Variants in RHOU observed in about 807,000 individuals in gnomAD.
RHOU encodes the protein rho-related GTP-binding protein RhoU.
A neutral mutation model predicts 12.6 loss-of-function variants in RHOU; 8 were observed. The observed-to-expected ratio is 0.64, with a 90% CI of 0.37 to 1.15. The LOEUF (loss-of-function observed/expected upper bound fraction) is 1.15. Among genes scored for constraint, RHOU ranks in the 50% most tolerant of loss-of-function variants. RHOU has a pLI of 0.01. For missense variants in RHOU, 258 were observed against 347.0 expected (o/e 0.74, Z 2.04); for synonymous variants, 161 against 147.4 (o/e 1.09, Z -0.67).
rs771061344 is a variant in RHOU, at chr1:228,743,608, T to C, written c.645T>C (p.Phe215=). ...ALTQKNLKEV[F]DAAIVAGIQY... ...CTCAAAAAAACCTCAAAGAGGTCTT[T>C]GATGCAGCCATCGTCGCTGGCATTC... is the stretch of plus-strand genomic sequence containing the variant. Residue 215 remains phenylalanine (F), a synonymous_variant, in exon 3 of 3, where the codon TTT becomes TTC. Transcript: ENST00000366691. The surrounding 1 kb of genome is among the most constrained non-coding windows in gnomAD (Gnocchi z 5.1). The C allele has an allele frequency of 6.2e-7, 1 of 1,614,180 alleles. No homozygotes were observed. Among genetic ancestry groups the C allele is most frequent in the Non-Finnish European group, 8.5e-7 (1 of 1,180,020 alleles).
chr1:228,710,523 T>C, the RHOU span, among the ~76,000 whole-genome samples: 29 of 152,316 alleles, frequency 1.9e-4, no homozygotes, highest in African/African-American at 7.0e-4. Context: ...AATCAATAAA[T>C]GTAATCCAGC....
rs941480159 is a variant in RHOU, at chr1:228,743,814, C to T, written c.*74C>T. On this transcript the variant is annotated 3_prime_UTR_variant, in exon 3 of 3. Coordinates refer to ENST00000366691, the MANE Select transcript of RHOU (RefSeq NM_021205.6). The surrounding 1 kb of genome is among the most constrained non-coding windows in gnomAD (Gnocchi z 5.1). ...GAAGCTATATTAGCTGAAACAACTC[C>T]TTTTACTGCGTAGAACCTATATCGA... is the stretch of plus-strand genomic sequence containing the variant. 1 of 1,281,770 alleles carries T rather than the reference C, an allele frequency of 7.8e-7. No homozygotes were observed. The highest frequency in any genetic ancestry group is 1.1e-6 in the Non-Finnish European group (1 of 915,254). 79.4% of individuals were successfully genotyped at this position (1,281,770 alleles called of 1,614,324 possible).
At chr1:228,683,827 T>C in the RHOU span, among the ~76,000 whole-genome samples, 944 of 152,342 alleles carry the variant, frequency 6.2e-3, 9 homozygotes, top group African/African-American at 0.017. Context: ...TTCCCCACGT[T>C]GACATTTTGA....
the RHOU span, among the ~76,000 whole-genome samples, chr1:228,688,694 G>A: frequency 1.3e-5 from 2 of 152,214 alleles, no homozygotes; most frequent in Admixed American, 6.5e-5. Flanking sequence ...GATACCAAAA[G>A]TTATGTACAA....
In RHOU at chr1:228,738,280, A is replaced by C. The variant is rs1453033617; in HGVS notation, c.321+549A>C. On this transcript the variant is annotated intron_variant, in intron 2 of 2. Coordinates refer to ENST00000366691, the MANE Select transcript of RHOU (RefSeq NM_021205.6). This position sits in a 1 kb window ranked among gnomAD's most constrained non-coding sequence, Gnocchi z 4.2. ...CAGTCCTAAGCTGGAGGGATGAACT[A>C]ACTGGGCTTATTCTATCCAAACTGT... is the stretch of plus-strand genomic sequence containing the variant. 6.6e-6 allele frequency among the ~76,000 whole-genome samples: 1 copy of C among 152,216 alleles called. No individual in the cohort carries two copies. Among genetic ancestry groups the C allele is most frequent in the Non-Finnish European group, 1.5e-5 (1 of 68,036 alleles).
chr1:228,734,869 G>A (rs2102713821), upstream of RHOU, among the ~76,000 whole-genome samples: 1 of 152,312 alleles, frequency 6.6e-6, no homozygotes, highest in African/African-American at 2.4e-5. Context: ...GAGCATACAT[G>A]TATAAAGGTT....
At chr1:228,693,296 C>T in the RHOU span, among the ~76,000 whole-genome samples, 2 of 152,310 alleles carry the variant, frequency 1.3e-5, no homozygotes, top group South Asian at 4.1e-4. Context: ...CTGCTGCCTA[C>T]GTGCCCTCAC....
the RHOU span, among the ~76,000 whole-genome samples, chr1:228,721,970 T>A: frequency 1.3e-5 from 2 of 152,324 alleles, no homozygotes; most frequent in African/African-American, 2.4e-5. Flanking sequence ...TCCACCGTAG[T>A]TGCGACTTCT....
At chr1:228,722,453 G>A in the RHOU span, among the ~76,000 whole-genome samples, 1 of 152,044 alleles carries the variant, frequency 6.6e-6, no homozygotes, top group African/African-American at 2.4e-5. Context: ...AGAGTTGTAC[G>A]TTCAATTGCC....
At chr1:228,666,063 T>TC in the RHOU span, among the ~76,000 whole-genome samples, 7 of 151,702 alleles carry the variant, frequency 4.6e-5, no homozygotes, top group Non-Finnish European at 1.0e-4. Flanking sequence ...GTTCAAGTGA[T>TC]CCCCCCACCT....
At chr1:228,707,888 G>A in the RHOU span, among the ~76,000 whole-genome samples, 2 of 152,030 alleles carry the variant, frequency 1.3e-5, no homozygotes, top group Non-Finnish European at 2.9e-5. Flanking sequence ...CAAACCAAAG[G>A]CAAAGAAGTT....
At chr1:228,686,549 A>G in the RHOU span, among the ~76,000 whole-genome samples, 1 of 152,238 alleles carries the variant, frequency 6.6e-6, no homozygotes, top group Admixed American at 6.5e-5. Flanking sequence ...CTCCTACACC[A>G]TGAGACAACT....
chr1:228,703,688 A>G, the RHOU span, among the ~76,000 whole-genome samples: 1 of 152,206 alleles, frequency 6.6e-6, no homozygotes, highest in Admixed American at 6.5e-5. Flanking sequence ...CAATTAAAGC[A>G]TTCTCTATAC....
At chr1:228,717,753 G>A in the RHOU span, among the ~76,000 whole-genome samples, 2 of 152,200 alleles carry the variant, frequency 1.3e-5, no homozygotes, top group South Asian at 2.1e-4. Flanking sequence ...GTTAATGAGA[G>A]TGGCGCCCTA....
the RHOU span, among the ~76,000 whole-genome samples, chr1:228,676,135 C>T: frequency 2.0e-5 from 3 of 150,630 alleles, no homozygotes; most frequent in African/African-American, 7.4e-5. Flanking sequence ...GTAACCGCCC[C>T]CCCCCTTTTT....
At chr1:228,712,365 G>A in the RHOU span, among the ~76,000 whole-genome samples, 1 of 150,846 alleles carries the variant, frequency 6.6e-6, no homozygotes, top group Non-Finnish European at 1.5e-5. Context: ...GCACATGTAT[G>A]TTTATTGCGG....
chr1:228,705,171 A>T, the RHOU span, among the ~76,000 whole-genome samples: 3 of 151,962 alleles, frequency 2.0e-5, no homozygotes, highest in Non-Finnish European at 2.9e-5. Flanking sequence ...GCACATCGGT[A>T]GGCATCCCTG....
At chr1:228,661,560 C>T in the RHOU span, among the ~76,000 whole-genome samples, 3 of 152,204 alleles carry the variant, frequency 2.0e-5, no homozygotes, top group South Asian at 4.2e-4. Context: ...ACAAACCTGG[C>T]AAAAACAATA....
At chr1:228,723,023 C>T in the RHOU span, among the ~76,000 whole-genome samples, 4 of 152,140 alleles carry the variant, frequency 2.6e-5, no homozygotes, top group African/African-American at 7.2e-5. Context: ...TTTGCACCAC[C>T]GCCTCTGCTA....
Sources: gnomAD v4.1 joint callset for allele counts (sites outside exome capture counted in the v4.1 genomes callset) on GRCh38, gnomAD v4.1.1 for gene constraint, Gnocchi (gnomAD v3.1) non-coding constraint, MANE v1.5 for transcripts, NCBI Gene and HGNC (gene_info 2026-07-23, HGNC 2026-07-21) for gene names.